The following EML2 variants were observed in gnomAD, a reference collection of about 807,000 sequenced individuals.
The protein encoded by EML2 is EMAP like 2.
Under a neutral mutation model 84.7 loss-of-function variants are expected in EML2, and 59 were observed. The observed-to-expected ratio is 0.70, with a 90% CI of 0.56 to 0.86. The LOEUF is 0.86. Ranked by LOEUF, EML2 falls within the 40% of genes least tolerant of loss-of-function variation. EML2 has a pLI of 0.00. For missense variants in EML2, 818 were observed against 855.6 expected (o/e 0.96, Z 0.55); for synonymous variants, 352 against 348.9 (o/e 1.01, Z -0.10).
Position 45,617,642 on chromosome 19 carries a change from G to A in EML2, c.1310C>T (p.Thr437Ile). Residue 437 changes from threonine to isoleucine, a missense_variant, in exon 13 of 19, where the codon ACA (threonine) becomes ATA (isoleucine). Transcript: ENST00000245925. ...HPSGSVLAVG[T>I]VTGRWLLLDT... is the part of the protein sequence containing the mutation. ...TCCTCAGCTTTACCTGCCAGTCACT[G>A]TACCCACAGCCAGGACAGAGCCACT... The A allele has an allele frequency of 6.2e-7, 1 of 1,613,860 alleles. No homozygotes were observed. The highest frequency in any genetic ancestry group is 1.3e-5 in the African/African-American group (1 of 75,062).
intron 13 of EML2, 98 bp downstream of exon 13, chr19:45,617,532 C>T (rs764569851): frequency 3.1e-5 from 34 of 1,112,706 alleles, no homozygotes; most frequent in Middle Eastern, 2.0e-4. Context: ...GATCAGGGCT[C>T]GGTAAATAGT....
chr19:45,633,557 G>A (rs553272175), intron 4 of EML2, among the ~76,000 whole-genome samples: 8 of 151,912 alleles, frequency 5.3e-5, no homozygotes, highest in African/African-American at 1.9e-4. Flanking sequence ...TGGCCAACAT[G>A]GGGAAACCCT....
chr19:45,614,375 G>A (rs559875376), intron 17 of EML2, among the ~76,000 whole-genome samples: 15 of 152,304 alleles, frequency 9.8e-5, no homozygotes, highest in African/African-American at 2.9e-4. Context: ...CTAGGGCACC[G>A]GCAGTGTGGA....
chr19:45,618,183 C>G (rs1429070141), intron 12 of EML2, among the ~76,000 whole-genome samples: 3 of 151,960 alleles, frequency 2.0e-5, no homozygotes, highest in African/African-American at 7.3e-5. Flanking sequence ...CCTGGCTCAG[C>G]CTCCCAAGTA....
At chr19:45,641,613 T>C (rs975334980), upstream of EML2, 1 of 1,532,378 alleles carries the variant, frequency 6.5e-7, no homozygotes, top group East Asian at 2.4e-5. Flanking sequence ...TATCTCTTTC[T>C]GCGGCTTGAC....
Position 45,638,587 on chromosome 19 carries a change from T to G in EML2, c.97A>C (p.Met33Leu). 1 of 1,614,018 alleles carries G rather than the reference T, an allele frequency of 6.2e-7. No individual in the cohort carries two copies. The highest frequency in any genetic ancestry group is 8.5e-7 in the Non-Finnish European group (1 of 1,180,008). ...GTGGGTGCCAGCTCGTCTGGGATCA[T>G]CATGGGCACAGGGCGGCCCCTCAGG... ...MFLRGRPVPMMIPDELAPTYS... is the reference protein window; with the variant it reads ...MFLRGRPVPMLIPDELAPTYS... Residue 33 changes from methionine (M) to leucine (L), a missense_variant, in exon 3 of 19, where the codon ATG (methionine) becomes CTG (leucine). Transcript: ENST00000245925.
upstream of EML2, chr19:45,642,260 C>G: frequency 6.5e-7 from 1 of 1,536,008 alleles, no homozygotes; most frequent in Non-Finnish European, 8.7e-7. Flanking sequence ...GCCTTTAGGA[C>G]CGCCAGCTCG....
At chr19:45,627,286 C>T (rs1481202249) in intron 7 of EML2, among the ~76,000 whole-genome samples, 7 of 129,516 alleles carry the variant, frequency 5.4e-5, no homozygotes, top group African/African-American at 8.9e-5. Context: ...ATATGAGTCT[C>T]GCTCTGTTGC....
Position 45,609,611 on chromosome 19 carries a change from A to G in EML2, c.*52T>C. The G allele has an allele frequency of 1.9e-6, 3 of 1,563,318 alleles. No individual in the cohort carries two copies. Among genetic ancestry groups the G allele is most frequent in the Admixed American group, 2.0e-5 (1 of 50,854 alleles). On this transcript the variant is annotated 3_prime_UTR_variant, in exon 19 of 19. Coordinates refer to ENST00000245925, the MANE Select transcript of EML2 (RefSeq NM_012155.4). Reference sequence around the variant, plus strand: ...TATATTACTCTACTCGGCAATAGACATCTCCCGAAAATAGAATTCCTGCCC... The same window carrying G: ...TATATTACTCTACTCGGCAATAGACGTCTCCCGAAAATAGAATTCCTGCCC...
Position 45,617,673 on chromosome 19 carries a change from G to A in EML2, c.1279C>T (p.His427Tyr). Residue 427 changes from histidine (H) to tyrosine (Y), a missense_variant, in exon 13 of 19, where the codon CAC becomes TAC. His to Tyr is a moderately conservative substitution (Grantham distance 83). Transcript: ENST00000245925. Reference protein sequence around the residue: ...IEDPARSAGFHPSGSVLAVGT... With the variant: ...IEDPARSAGFYPSGSVLAVGT... Reference sequence around the variant, plus strand: ...ACAGCCAGGACAGAGCCACTGGGGTGGAAGCCGGCTGAGCGGGCAGGGTCC... The same window carrying A: ...ACAGCCAGGACAGAGCCACTGGGGTAGAAGCCGGCTGAGCGGGCAGGGTCC... 2 of 1,613,934 alleles carry A rather than the reference G, an allele frequency of 1.2e-6. No homozygotes were observed. Among genetic ancestry groups the A allele is most frequent in the South Asian group, 1.1e-5 (1 of 91,046 alleles).
chr19:45,639,346 A>G lies in EML2; in HGVS notation c.20+11T>C. ...AGAGGAGATGGGGGGTGGTCTGCGAAAGGGTCTCACCCAGCTCCAAAGCTA... is the reference window on the plus strand; with the variant it reads ...AGAGGAGATGGGGGGTGGTCTGCGAGAGGGTCTCACCCAGCTCCAAAGCTA... On this transcript the variant is annotated intron_variant, in intron 1 of 18. Transcript: ENST00000245925. 1 of 1,331,056 alleles carries G rather than the reference A, an allele frequency of 7.5e-7. No individual in the cohort carries two copies. Among genetic ancestry groups the G allele is most frequent in the Non-Finnish European group, 9.7e-7 (1 of 1,035,484 alleles). 82.5% of individuals were successfully genotyped at this position (1,331,056 alleles called of 1,614,324 possible).
In EML2 at chr19:45,632,934, G is replaced by C. The variant is rs777547464; in HGVS notation, c.437C>G (p.Ser146Cys). 2.5e-6 allele frequency: 4 copies of C among 1,614,226 alleles called. No homozygotes were observed. In the South Asian group the frequency reaches 4.4e-5, roughly 18 times the overall value. ...GCCCAGCACGTGTAAGGTGGAGAGG[G>C]AAACTGAGTCCCAGATGCGCACGTG... is the stretch of plus-strand genomic sequence containing the variant. ...PPHVRIWDSV[S>C]LSTLHVLGLG... is the part of the protein sequence containing the mutation. The change falls in exon 6 of 19, where the codon TCC becomes TGC. Residue 146 changes from serine (S) to cysteine (C), a missense_variant. Physicochemically the swap from Ser to Cys is moderately radical, Grantham distance 112. Coordinates refer to ENST00000245925, the MANE Select transcript of EML2 (RefSeq NM_012155.4).
At chr19:45,615,678 A>T in intron 16 of EML2, 124 bp downstream of exon 16, 1 of 839,262 alleles carries the variant, frequency 1.2e-6, no homozygotes, top group Non-Finnish European at 1.9e-6. Flanking sequence ...CCTAAATTCC[A>T]AATCAGAACC....
intron 12 of EML2, 83 bp downstream of exon 12, chr19:45,618,977 T>C: frequency 7.3e-7 from 1 of 1,369,974 alleles, no homozygotes; most frequent in Non-Finnish European, 9.6e-7. Context: ...CTTGTTTGGT[T>C]TCAGTCTAAT....
In EML2 at chr19:45,629,856, A is replaced by C. The variant is rs571704699; in HGVS notation, c.606+95T>G. On this transcript the variant is annotated intron_variant, in intron 7 of 18. Coordinates refer to ENST00000245925, the MANE Select transcript of EML2 (RefSeq NM_012155.4). ...CAGCAAGGAGTAAAGCCAGGGCTTAAACACGGGTCTATCTGATTGCAGACT... is the reference window on the plus strand; with the variant it reads ...CAGCAAGGAGTAAAGCCAGGGCTTACACACGGGTCTATCTGATTGCAGACT... 12 of 997,364 alleles carry C rather than the reference A, an allele frequency of 1.2e-5. No individual in the cohort carries two copies. The African/African-American group carries it at 1.7e-4, about 14-fold the overall frequency. 61.8% of individuals were successfully genotyped at this position (997,364 alleles called of 1,614,324 possible). A position where few individuals can be genotyped will look rare whatever the true frequency, so the allele number is the denominator to read the frequency against.
chr19:45,631,226 G>A (rs1409925141), intron 6 of EML2, among the ~76,000 whole-genome samples: 1 of 151,866 alleles, frequency 6.6e-6, no homozygotes, highest in Admixed American at 6.6e-5. Flanking sequence ...CCACACCTTT[G>A]GTAACAATAT....
At position 45,616,909 on chromosome 19, in the gene EML2, G is replaced by A. The variant is rs544682669; in HGVS notation, c.1323-56C>T. 11 of 1,336,588 alleles carry A rather than the reference G, an allele frequency of 8.2e-6. No individual in the cohort carries two copies. In the African/African-American group the frequency reaches 1.1e-4, roughly 14 times the overall value. The allele number at this position is 1,336,588 out of a possible 1,614,324, so 82.8% of individuals were successfully genotyped here. A position where few individuals can be genotyped will look rare whatever the true frequency, so the allele number is the denominator to read the frequency against. ...GGGGTGAGCTGATCTGACAGAGAGA[G>A]GCCGCAATCTGTGGGGTCTAAGGGA... On this transcript the variant is annotated intron_variant, in intron 13 of 18. Transcript: ENST00000245925.
At chr19:45,610,744 G>A (rs764372001) in intron 18 of EML2, among the ~76,000 whole-genome samples, 3 of 152,038 alleles carry the variant, frequency 2.0e-5, no homozygotes, top group Non-Finnish European at 4.4e-5. Context: ...GGAGGCTGAG[G>A]CATGAGAATC....
At chr19:45,635,000 G>A (rs1189411901) in intron 3 of EML2, among the ~76,000 whole-genome samples, 2 of 151,502 alleles carry the variant, frequency 1.3e-5, no homozygotes, top group East Asian at 1.9e-4. Flanking sequence ...ACAGACACAC[G>A]CCACCACACC....
Sources: allele counts gnomAD v4.1 joint callset (sites outside exome capture counted in the v4.1 genomes callset), GRCh38; gene constraint gnomAD v4.1.1; transcripts MANE v1.5; gene names NCBI Gene and HGNC (gene_info 2026-07-23, HGNC 2026-07-21).